CDIN1: variants seen among roughly 807,000 people sequenced by gnomAD.
CDIN1 encodes the protein CDAN1 interacting nuclease 1, also known as CDAN1-interacting nuclease 1.
A neutral mutation model predicts 45.3 loss-of-function variants in CDIN1; 33 were observed. That is an observed-to-expected ratio of 0.73 (90% CI 0.55 to 0.97). The LOEUF is 0.97. Among genes scored for constraint, CDIN1 ranks in the 50% least tolerant of loss-of-function variants. The pLI, the probability that CDIN1 is intolerant of heterozygous loss-of-function variation, is 0.00. For missense variants in CDIN1, 303 were observed against 339.4 expected, an observed-to-expected ratio of 0.89 and a Z score of 0.84; for synonymous variants, 118 against 124.4, an observed-to-expected ratio of 0.95 and a Z score of 0.34.
intron 1 of CDIN1, among the ~76,000 whole-genome samples, chr15:36,597,890 C>T (rs1235689816): frequency 2.0e-5 from 3 of 152,180 alleles, no homozygotes; most frequent in Non-Finnish European, 4.4e-5. Context: ...TATGGAGCTT[C>T]TTTGGGAACC....
chr15:36,646,950 T>G (rs2040355083), intron 3 of CDIN1, among the ~76,000 whole-genome samples: 1 of 152,156 alleles, frequency 6.6e-6, no homozygotes, highest in African/African-American at 2.4e-5. Context: ...TTAAAAAGTA[T>G]ATCTAATTGT....
At chr15:36,621,872 G>GT (rs553981750) in intron 1 of CDIN1, among the ~76,000 whole-genome samples, 572 of 142,094 alleles carry the variant, frequency 4.0e-3, no homozygotes, top group African/African-American at 6.8e-3. Context: ...AACAAGTTCA[G>GT]TTTTTTTTTT....
At chr15:36,766,055 C>T (rs962717571) in intron 10 of CDIN1, among the ~76,000 whole-genome samples, 4 of 152,170 alleles carry the variant, frequency 2.6e-5, no homozygotes, top group Admixed American at 2.6e-4. Context: ...CATTGAACAG[C>T]GACTTCCCCT....
chr15:36,737,989 G>T (rs989301741), intron 10 of CDIN1, among the ~76,000 whole-genome samples: 1 of 152,028 alleles, frequency 6.6e-6, no homozygotes. Flanking sequence ...ACTTTATTTG[G>T]TTTATAGAGT....
At chr15:36,681,834 C>G (rs1000108785) in intron 5 of CDIN1, among the ~76,000 whole-genome samples, 1 of 152,066 alleles carries the variant, frequency 6.6e-6, no homozygotes, top group Non-Finnish European at 1.5e-5. Context: ...GATATTTTTA[C>G]ATAAGGCAAG....
At chr15:36,693,996 G>A (rs1040105000) in intron 7 of CDIN1, among the ~76,000 whole-genome samples, 7 of 152,228 alleles carry the variant, frequency 4.6e-5, no homozygotes, top group East Asian at 3.9e-4. Flanking sequence ...TACATTCACC[G>A]ACTAGGTTAT....
At chr15:36,670,317 A>G (rs1015113761) in intron 5 of CDIN1, among the ~76,000 whole-genome samples, 5 of 152,108 alleles carry the variant, frequency 3.3e-5, no homozygotes, top group Admixed American at 2.6e-4. Flanking sequence ...TATTTAACAG[A>G]AGTCCAGAGT....
At chr15:36,757,881 G>A (rs1299072839) in intron 10 of CDIN1, among the ~76,000 whole-genome samples, 1 of 152,074 alleles carries the variant, frequency 6.6e-6, no homozygotes, top group Non-Finnish European at 1.5e-5. Context: ...AAGAGAGTGA[G>A]TATAGAACAA....
chr15:36,700,369 A>C lies in CDIN1; in HGVS notation c.544+2979A>C, dbSNP rs115001877. Among the ~76,000 whole-genome samples, 317 of 152,236 alleles carry C rather than the reference A, an allele frequency of 2.1e-3. 1 individual carries two copies. The highest frequency in any genetic ancestry group is 7.0e-3 in the African/African-American group (292 of 41,550). ...CCAGTGAGAATGCATCTCACTTAGTAGGTGCTCACATGATTGTCTCGATAA... is the reference window on the plus strand; with the variant it reads ...CCAGTGAGAATGCATCTCACTTAGTCGGTGCTCACATGATTGTCTCGATAA... On this transcript the variant is annotated intron_variant, in intron 8 of 10. Coordinates refer to ENST00000566621, the MANE Select transcript of CDIN1 (RefSeq NM_001321759.2).
chr15:36,725,334 C>G (rs920434419), intron 10 of CDIN1, among the ~76,000 whole-genome samples: 2 of 105,202 alleles, frequency 1.9e-5, no homozygotes, highest in African/African-American at 7.2e-5. Flanking sequence ...TTTTTTTTTT[C>G]CAGTTACCAT....
chr15:36,663,910 C>A (rs936639003), intron 5 of CDIN1, among the ~76,000 whole-genome samples: 2 of 152,180 alleles, frequency 1.3e-5, no homozygotes, highest in African/African-American at 4.8e-5. Context: ...GATGATCCAG[C>A]AACACTGTAA....
chr15:36,598,431 G>A (rs1213903803), intron 1 of CDIN1, among the ~76,000 whole-genome samples: 1 of 151,938 alleles, frequency 6.6e-6, no homozygotes, highest in Non-Finnish European at 1.5e-5. Flanking sequence ...GTTTTTAATC[G>A]TTCTCCCAGA....
intron 10 of CDIN1, among the ~76,000 whole-genome samples, chr15:36,781,416 G>T (rs1265457591): frequency 6.6e-6 from 1 of 152,148 alleles, no homozygotes; most frequent in East Asian, 1.9e-4. Flanking sequence ...TTTATCCAAG[G>T]TCACACAGCC....
At chr15:36,629,455 G>T (rs1445686735) in intron 1 of CDIN1, among the ~76,000 whole-genome samples, 2 of 152,086 alleles carry the variant, frequency 1.3e-5, no homozygotes, top group Non-Finnish European at 2.9e-5. Flanking sequence ...AAAGGCAAAA[G>T]GATACCATGG....
chr15:36,610,300 C>T (rs1367771963), intron 1 of CDIN1, among the ~76,000 whole-genome samples: 1 of 152,206 alleles, frequency 6.6e-6, no homozygotes, highest in Non-Finnish European at 1.5e-5. Context: ...TACCTAATTG[C>T]TTGTTCCTCT....
At chr15:36,805,423 C>A (rs1244753054) in intron 10 of CDIN1, among the ~76,000 whole-genome samples, 1 of 152,112 alleles carries the variant, frequency 6.6e-6, no homozygotes, top group Non-Finnish European at 1.5e-5. Context: ...TTAACAAAGT[C>A]TCTTTGATTT....
At chr15:36,728,288 A>G (rs941246659) in intron 10 of CDIN1, among the ~76,000 whole-genome samples, 2 of 152,130 alleles carry the variant, frequency 1.3e-5, no homozygotes, top group African/African-American at 4.8e-5. Flanking sequence ...CCACCCCCCT[A>G]CCATTCACAG....
chr15:36,805,044 T>C (rs1301198828), intron 10 of CDIN1, among the ~76,000 whole-genome samples: 1 of 152,152 alleles, frequency 6.6e-6, no homozygotes, highest in Non-Finnish European at 1.5e-5. Flanking sequence ...CTTGCCTTCA[T>C]GGTCTGTGAT....
chr15:36,743,571 C>T (rs1319789718), intron 10 of CDIN1, among the ~76,000 whole-genome samples: 1 of 152,010 alleles, frequency 6.6e-6, no homozygotes, highest in Non-Finnish European at 1.5e-5. Context: ...ATTATATATA[C>T]CCTCAGTGTT....
Sources: gnomAD v4.1 joint callset for allele counts (sites outside exome capture counted in the v4.1 genomes callset) on GRCh38, gnomAD v4.1.1 for gene constraint, MANE v1.5 for transcripts, NCBI Gene and HGNC (gene_info 2026-07-23, HGNC 2026-07-21) for gene names.